Variants in CACNA1E observed in about 807,000 individuals in gnomAD.
The protein encoded by CACNA1E is voltage-dependent R-type calcium channel subunit alpha-1E.
A neutral mutation model predicts 259.2 loss-of-function variants in CACNA1E; 40 were observed. That is an observed-to-expected ratio of 0.15 (90% CI 0.12 to 0.20). The LOEUF (loss-of-function observed/expected upper bound fraction) is 0.20, where lower values mean the gene tolerates loss of function less well. CACNA1E is among the 10% of genes least tolerant of loss of function. The probability of loss-of-function intolerance (pLI) is 1.00; values close to 1 mark genes in which losing one functional copy is unlikely to be tolerated. For synonymous variants in CACNA1E, 1,104 were observed against 1,138.5 expected, an observed-to-expected ratio of 0.97 and a Z score of 0.61; for missense variants, 1,874 against 3,040.1, an observed-to-expected ratio of 0.62 and a Z score of 9.02.
intron 27 of CACNA1E, among the ~76,000 whole-genome samples, chr1:181,752,974 G>A (rs796453677): frequency 1.3e-5 from 2 of 152,054 alleles, no homozygotes; most frequent in Non-Finnish European, 1.5e-5. Context: ...GCCCCACCCC[G>A]CATACTTTGC....
chr1:181,776,496 G>A lies in CACNA1E; in HGVS notation c.5267+268G>A. 1 of 359,140 alleles carries A rather than the reference G, an allele frequency of 2.8e-6. No individual in the cohort carries two copies. The allele number at this position is 359,140 out of a possible 1,614,324, so 22.2% of individuals were successfully genotyped here. A position where few individuals can be genotyped will look rare whatever the true frequency, so the allele number is the denominator to read the frequency against. ...ATCCAGTCCTCACCTCAGATTATTT[G>A]GGCTCAGTCCCAAGAGAACTTTCCA... On this transcript the variant is annotated intron_variant, in intron 38 of 47. Coordinates refer to ENST00000367573, the MANE Select transcript of CACNA1E (RefSeq NM_001205293.3). This position sits in a 1 kb window ranked among gnomAD's most constrained non-coding sequence, Gnocchi z 4.4.
chr1:181,377,547 T>C (rs1000641851), intron 1 of CACNA1E, among the ~76,000 whole-genome samples: 2 of 152,082 alleles, frequency 1.3e-5, no homozygotes, highest in Non-Finnish European at 2.9e-5. Context: ...AAACTTAAAA[T>C]TCAGGAAGCA....
At chr1:181,610,758 G>C (rs1312277046) in intron 6 of CACNA1E, among the ~76,000 whole-genome samples, 1 of 152,126 alleles carries the variant, frequency 6.6e-6, no homozygotes, top group Non-Finnish European at 1.5e-5. Flanking sequence ...GTTCCAATGA[G>C]GACTTTTGAG....
intron 2 of CACNA1E, among the ~76,000 whole-genome samples, chr1:181,415,064 T>G (rs553821433): frequency 3.3e-5 from 5 of 152,340 alleles, no homozygotes; most frequent in East Asian, 1.9e-4. Flanking sequence ...TTAAATACAA[T>G]GCAGCTCTGA....
chr1:181,534,617 T>C (rs751432497), intron 3 of CACNA1E, among the ~76,000 whole-genome samples: 4 of 151,890 alleles, frequency 2.6e-5, no homozygotes, highest in Non-Finnish European at 4.4e-5. Flanking sequence ...AATTTATCCA[T>C]GTAACCAAAA....
At chr1:181,728,567 C>G (rs1655135631) in intron 18 of CACNA1E, among the ~76,000 whole-genome samples, 1 of 151,778 alleles carries the variant, frequency 6.6e-6, no homozygotes. Context: ...GTGTGCCCTG[C>G]AAAGACGTGT....
Position 181,746,053 on chromosome 1 carries a change from G to T in CACNA1E, c.3720-4423G>T, listed in dbSNP as rs533909613. The stretch of plus-strand genomic sequence containing the variant: ...CACTTAGCATAGAGCTAGTGCTCTG[G>T]TCACATGACAAAGAAAGATGGCAGA... On this transcript the variant is annotated intron_variant, in intron 25 of 47. Transcript: ENST00000367573. Among the ~76,000 whole-genome samples, 10 of 152,326 alleles carry T rather than the reference G, an allele frequency of 6.6e-5. No individual in the cohort carries two copies. In the South Asian group the frequency reaches 2.1e-3, roughly 32 times the overall value.
chr1:181,401,617 A>G (rs542186381), intron 1 of CACNA1E, among the ~76,000 whole-genome samples: 11 of 152,206 alleles, frequency 7.2e-5, no homozygotes, highest in Admixed American at 2.0e-4. Flanking sequence ...GCTTGGCTCA[A>G]AAAAAGGAAG....
chr1:181,351,897 G>A (rs1171710302), intron 1 of CACNA1E, among the ~76,000 whole-genome samples: 1 of 152,222 alleles, frequency 6.6e-6, no homozygotes, highest in African/African-American at 2.4e-5. Flanking sequence ...TATGGATTCT[G>A]GAGACTGGAA....
rs750697056 is a variant in CACNA1E at position 181,577,802 on chromosome 1, C to G, written c.549C>G (p.His183Gln). 3.7e-6 allele frequency: 6 copies of G among 1,611,072 alleles called. No homozygotes were observed. In the South Asian group the frequency reaches 5.5e-5, roughly 15 times the overall value. Residue 183 changes from histidine to glutamine, a missense_variant, in exon 4 of 48, where the codon CAC becomes CAG. This residue lies in a region of CACNA1E where 55 missense variants were observed against 156.5 expected (regional missense o/e 0.35). Transcript: ENST00000367573. ...LATAGTHFNT[H>Q]VDLRTLRAVR... ...CTGCAGGAACCCACTTCAATACTCACGTGGACCTGAGGACCCTCCGGGCTG... is the reference window on the plus strand; with the variant it reads ...CTGCAGGAACCCACTTCAATACTCAGGTGGACCTGAGGACCCTCCGGGCTG...
chr1:181,794,734 A>G (rs778152123), intron 45 of CACNA1E, 130 bp from the exon 46 acceptor site: 6 of 706,312 alleles, frequency 8.5e-6, no homozygotes, highest in Non-Finnish European at 1.2e-5. Context: ...AGAGAGATTC[A>G]AGGGAAGTTA....
chr1:181,733,514 C>T lies in CACNA1E; in HGVS notation c.3026C>T (p.Pro1009Leu), dbSNP rs1655723277. 1.9e-6 allele frequency: 3 copies of T among 1,608,810 alleles called. No homozygotes were observed. Among genetic ancestry groups the T allele is most frequent in the Non-Finnish European group, 2.5e-6 (3 of 1,177,014 alleles). The change falls in exon 21 of 48, where the codon CCC becomes CTC. Residue 1009 changes from proline (P) to leucine (L), a missense_variant. By Grantham distance (98) the Pro-to-Leu change is moderately conservative. Transcript: ENST00000367573. ...GAGGCTGACACCCCCCTAGTCCTGC[C>T]CCATCCTGAGCTGGAAGTGGGGAAG... ...LDEADTPLVL[P>L]HPELEVGKHV... is the part of the protein sequence containing the mutation.
intron 1 of CACNA1E, among the ~76,000 whole-genome samples, chr1:181,491,454 G>C (rs529063355): frequency 6.6e-6 from 1 of 152,320 alleles, no homozygotes; most frequent in East Asian, 1.9e-4. Flanking sequence ...TCATGCTGCT[G>C]GTCTTGGACA....
intron 7 of CACNA1E, among the ~76,000 whole-genome samples, chr1:181,675,277 CCCAAGGCCTTGCTCCGA>C (rs1351630434): frequency 6.6e-6 from 1 of 152,104 alleles, no homozygotes. Context: ...ATGGCTGCTA[CCCAAGGCCTTGCTCCGA>C]AACATCATGG....
At chr1:181,508,655 T>A (rs1403719686) in intron 1 of CACNA1E, among the ~76,000 whole-genome samples, 1 of 152,146 alleles carries the variant, frequency 6.6e-6, no homozygotes, top group Non-Finnish European at 1.5e-5. Flanking sequence ...CTGCGATCAG[T>A]GGGCATGGGT....
rs1351471209 is a variant in CACNA1E, at chr1:181,738,395, C to T, written c.3581C>T (p.Thr1194Met). Residue 1194 changes from threonine to methionine, a missense_variant, in exon 24 of 48, where the codon ACG becomes ATG. Thr to Met is a moderately conservative substitution (Grantham distance 81). This residue lies in a region of CACNA1E where 188 missense variants were observed against 540.6 expected (regional missense o/e 0.35). Coordinates refer to ENST00000367573, the MANE Select transcript of CACNA1E (RefSeq NM_001205293.3). ...KVLRYFDYVF[T>M]GVFTFEMVIK... ...CTGAGGTATTTTGACTATGTGTTCA[C>T]GGGCGTGTTCACCTTTGAGATGGTT... 4 of 1,613,850 alleles carry T rather than the reference C, an allele frequency of 2.5e-6. No homozygotes were observed. Among genetic ancestry groups the T allele is most frequent in the Non-Finnish European group, 3.4e-6 (4 of 1,179,764 alleles).
intron 6 of CACNA1E, among the ~76,000 whole-genome samples, chr1:181,631,728 G>A (rs957066672): frequency 6.6e-6 from 1 of 152,220 alleles, no homozygotes; most frequent in Non-Finnish European, 1.5e-5. Flanking sequence ...AGCTTCCAGG[G>A]ATTAGACTGA....
At chr1:181,722,604 T>G (rs1360545642) in intron 16 of CACNA1E, among the ~76,000 whole-genome samples, 2 of 152,230 alleles carry the variant, frequency 1.3e-5, no homozygotes, top group African/African-American at 4.8e-5. Context: ...GAAAGGAGAA[T>G]AATAATATTT....
chr1:181,415,426 A>G (rs1009270791), intron 2 of CACNA1E, among the ~76,000 whole-genome samples: 1 of 152,146 alleles, frequency 6.6e-6, no homozygotes, highest in Non-Finnish European at 1.5e-5. Context: ...ACACACATCA[A>G]TGGCCTTGGG....
Sources: gnomAD v4.1 joint callset for allele counts (sites outside exome capture counted in the v4.1 genomes callset) on GRCh38, gnomAD v4.1.1 for gene constraint, gnomAD v4.1.1 regional missense constraint, Gnocchi (gnomAD v3.1) non-coding constraint, MANE v1.5 for transcripts, NCBI Gene and HGNC (gene_info 2026-07-23, HGNC 2026-07-21) for gene names.